The following METAP1 variants were observed in gnomAD, a reference collection of about 807,000 sequenced individuals.
METAP1 encodes methionine aminopeptidase 1.
METAP1 carries 28 observed loss-of-function variants against 53.8 expected under a neutral mutation model. The observed-to-expected ratio is 0.52, with a 90% CI of 0.39 to 0.71. METAP1 has a LOEUF of 0.71. Among genes scored for constraint, METAP1 ranks in the 30% least tolerant of loss-of-function variants. The pLI is 0.00. For missense variants in METAP1, 389 were observed against 479.8 expected (o/e 0.81, Z 1.77); for synonymous variants, 181 against 165.7 (o/e 1.09, Z -0.71).
At chr4:99,016,006 G>T (rs1213413794) in intron 1 of METAP1, among the ~76,000 whole-genome samples, 1 of 152,096 alleles carries the variant, frequency 6.6e-6, no homozygotes, top group Non-Finnish European at 1.5e-5. Context: ...CTGCGGTTTC[G>T]ATGGTCAATA....
At chr4:99,016,206 C>T (rs1234140389) in intron 1 of METAP1, among the ~76,000 whole-genome samples, 3 of 152,176 alleles carry the variant, frequency 2.0e-5, no homozygotes, top group Non-Finnish European at 4.4e-5. Flanking sequence ...AGGAACTGAT[C>T]TTTGGTTTCA....
At chr4:99,004,046 C>T (rs1723047545) in intron 1 of METAP1, among the ~76,000 whole-genome samples, 1 of 152,076 alleles carries the variant, frequency 6.6e-6, no homozygotes, top group Non-Finnish European at 1.5e-5. Flanking sequence ...GAGCAGCTCA[C>T]AGAACTCAGG....
chr4:99,019,803 A>G (rs1333688771), intron 1 of METAP1, among the ~76,000 whole-genome samples: 1 of 152,210 alleles, frequency 6.6e-6, no homozygotes, highest in African/African-American at 2.4e-5. Context: ...AACTATTGGT[A>G]ACAAAATGTA....
intron 1 of METAP1, among the ~76,000 whole-genome samples, chr4:98,999,508 ATT>A (rs58336779): frequency 1.5e-4 from 17 of 113,010 alleles, no homozygotes; most frequent in Admixed American, 9.5e-5. Flanking sequence ...AGGATGCTTA[ATT>A]TTTTTTTTTT....
intron 10 of METAP1, 149 bp from the exon 11 acceptor site, chr4:99,061,005 G>T (rs778858974): frequency 5.2e-5 from 37 of 712,888 alleles, no homozygotes; most frequent in Non-Finnish European, 7.4e-5. Flanking sequence ...CAAACATACT[G>T]AAGACCAAAA....
intron 4 of METAP1, among the ~76,000 whole-genome samples, chr4:99,037,400 C>T (rs927101284): frequency 2.6e-5 from 4 of 151,772 alleles, no homozygotes. Flanking sequence ...AAAAAATATT[C>T]CTATGTTTTC....
chr4:99,040,665 T>A (rs1725791398), intron 5 of METAP1, among the ~76,000 whole-genome samples: 1 of 151,232 alleles, frequency 6.6e-6, no homozygotes, highest in South Asian at 2.1e-4. Context: ...TACTTTTTTT[T>A]TTTTTTTTTT....
intron 1 of METAP1, chr4:99,005,707 A>G: frequency 2.8e-6 from 1 of 354,306 alleles, no homozygotes; most frequent in Non-Finnish European, 5.5e-6. Context: ...CAAATTTGAT[A>G]TATATACATC....
rs1401064308 is a variant in METAP1 at position 99,038,981 on chromosome 4, T to C, written c.341-393T>C. ...TTGGTTCCTGTTTCAGAAAATAGTG[T>C]AATTAATTCATCAGTTGTTGATGTA... On this transcript the variant is annotated intron_variant, in intron 4 of 10. Coordinates refer to ENST00000296411, the MANE Select transcript of METAP1 (RefSeq NM_015143.3). 3.3e-5 allele frequency among the ~76,000 whole-genome samples: 5 copies of C among 152,200 alleles called. No individual in the cohort carries two copies. The East Asian group carries it at 9.6e-4, about 29-fold the overall frequency.
rs190957356 is a variant in METAP1 at position 99,017,396 on chromosome 4, C to T, written c.115-11471C>T. 1.4e-3 allele frequency among the ~76,000 whole-genome samples: 211 copies of T among 152,338 alleles called. 1 individual carries two copies. Among genetic ancestry groups the T allele is most frequent in the African/African-American group, 4.9e-3 (205 of 41,580 alleles). ...CGGAATAGTTATCAGGTAATTGCCC[C>T]GATTCAGTTTCCTCAAGAGTTTCTC... On this transcript the variant is annotated intron_variant, in intron 1 of 10. Coordinates refer to ENST00000296411, the MANE Select transcript of METAP1 (RefSeq NM_015143.3).
At chr4:99,005,198 A>C (rs1205253804) in intron 1 of METAP1, among the ~76,000 whole-genome samples, 1 of 152,216 alleles carries the variant, frequency 6.6e-6, no homozygotes, top group African/African-American at 2.4e-5. Flanking sequence ...CAGTAAACAG[A>C]CAACCTGTAG....
intron 1 of METAP1, chr4:99,023,044 T>C: frequency 6.5e-6 from 9 of 1,394,102 alleles, no homozygotes; most frequent in Non-Finnish European, 8.7e-6. Context: ...TTTGGATTCC[T>C]CCTGCTCCTC....
At chr4:99,047,867 A>G (rs1045123168) in intron 8 of METAP1, among the ~76,000 whole-genome samples, 1 of 152,166 alleles carries the variant, frequency 6.6e-6, no homozygotes, top group Admixed American at 6.5e-5. Flanking sequence ...CAGAGCAGAA[A>G]GTGTATATAG....
chr4:99,025,444 G>A lies in METAP1; in HGVS notation c.115-3423G>A, dbSNP rs1486025352. On this transcript the variant is annotated intron_variant, in intron 1 of 10. Coordinates refer to ENST00000296411, the MANE Select transcript of METAP1 (RefSeq NM_015143.3). The stretch of plus-strand genomic sequence containing the variant: ...ACTCTTTTCAGTGATTCACAGTACT[G>A]GAAATAAATAAGAATTACCTACATA... The A allele has an allele frequency of 6.1e-6, 6 of 985,112 alleles. No individual in the cohort carries two copies. In the East Asian group the frequency reaches 6.8e-4, roughly 112 times the overall value. The allele number at this position is 985,112 out of a possible 1,614,324, so 61.0% of individuals were successfully genotyped here. A position where few individuals can be genotyped will look rare whatever the true frequency, so the allele number is the denominator to read the frequency against.
intron 5 of METAP1, among the ~76,000 whole-genome samples, chr4:99,040,284 G>GA (rs1725762997): frequency 2.0e-5 from 3 of 152,090 alleles, no homozygotes; most frequent in African/African-American, 7.2e-5. Flanking sequence ...GTAGTGGTTG[G>GA]TACTCATTAG....
At chr4:99,047,933 G>A in intron 8 of METAP1, among the ~76,000 whole-genome samples, 1 of 152,214 alleles carries the variant, frequency 6.6e-6, no homozygotes, top group Admixed American at 6.5e-5. Flanking sequence ...AGGCAGTCAT[G>A]GAAAGTTTGA....
chr4:99,059,219 A>G (rs1727368384), intron 10 of METAP1, among the ~76,000 whole-genome samples: 1 of 152,256 alleles, frequency 6.6e-6, no homozygotes, highest in East Asian at 1.9e-4. Context: ...TCCCTGGACT[A>G]GAAAGTCTCA....
At chr4:99,008,550 A>G (rs1269006117) in intron 1 of METAP1, among the ~76,000 whole-genome samples, 1 of 152,190 alleles carries the variant, frequency 6.6e-6, no homozygotes, top group Non-Finnish European at 1.5e-5. Flanking sequence ...AGATTTTTAC[A>G]TATGTACTAT....
chr4:99,011,967 CAAAAT>C (rs1395980001), intron 1 of METAP1, among the ~76,000 whole-genome samples: 1 of 151,518 alleles, frequency 6.6e-6, no homozygotes, highest in Non-Finnish European at 1.5e-5. Context: ...CAAAACAAAA[CAAAAT>C]GAGCTTGGAA....
Sources: allele counts gnomAD v4.1 joint callset (sites outside exome capture counted in the v4.1 genomes callset), GRCh38; gene constraint gnomAD v4.1.1; transcripts MANE v1.5; gene names NCBI Gene and HGNC (gene_info 2026-07-23, HGNC 2026-07-21).